Variants in TAFA2 observed in about 807,000 individuals in gnomAD.
TAFA2 encodes the protein TAFA chemokine like family member 2.
TAFA2 carries 7 observed loss-of-function variants against 18.8 expected under a neutral mutation model. That is an observed-to-expected ratio of 0.37 (90% confidence interval 0.21 to 0.70). The LOEUF (loss-of-function observed/expected upper bound fraction) is 0.70, where lower values mean the gene tolerates loss of function less well. TAFA2 is among the 30% of genes least tolerant of loss of function. The pLI is 0.53. For synonymous variants in TAFA2, 60 were observed against 54.2 expected (o/e 1.11, Z -0.47); for missense variants, 122 against 158.1 (o/e 0.77, Z 1.23).
At chr12:61,862,690 T>A (rs571863063) in intron 2 of TAFA2, among the ~76,000 whole-genome samples, 1 of 152,332 alleles carries the variant, frequency 6.6e-6, no homozygotes, top group South Asian at 2.1e-4. Context: ...TCCTTGCTAT[T>A]TCTAATTCTC....
intron 4 of TAFA2, among the ~76,000 whole-genome samples, chr12:61,745,375 T>C (rs563947665): frequency 1.3e-5 from 2 of 152,160 alleles, no homozygotes; most frequent in East Asian, 1.9e-4. Flanking sequence ...GCCACAAGCA[T>C]CATTTCTACC....
chr12:62,179,158 T>A (rs2062535158), intron 1 of TAFA2, among the ~76,000 whole-genome samples: 1 of 152,224 alleles, frequency 6.6e-6, no homozygotes, highest in South Asian at 2.1e-4. Context: ...AGAAAAATTA[T>A]TTAGAATTTT....
At chr12:61,880,764 C>T in intron 1 of TAFA2, 1 of 370,118 alleles carries the variant, frequency 2.7e-6, no homozygotes, top group Non-Finnish European at 5.3e-6. Flanking sequence ...TGACGTCCTG[C>T]CTGAGTGAAC....
At chr12:62,112,247 A>C (rs1869766658) in intron 1 of TAFA2, among the ~76,000 whole-genome samples, 1 of 152,090 alleles carries the variant, frequency 6.6e-6, no homozygotes, top group African/African-American at 2.4e-5. Context: ...TTGCTTATGA[A>C]GCTTAGTTTG....
intron 2 of TAFA2, among the ~76,000 whole-genome samples, chr12:61,762,230 T>G (rs1869583401): frequency 6.6e-6 from 1 of 152,118 alleles, no homozygotes; most frequent in African/African-American, 2.4e-5. Flanking sequence ...GACCTTTCTA[T>G]GCCTTCCTGA....
intron 2 of TAFA2, among the ~76,000 whole-genome samples, chr12:61,865,856 GGAAGGGGCACTAAGGTGACCAACA>G (rs1296318448): frequency 1.3e-5 from 2 of 152,106 alleles, no homozygotes; most frequent in African/African-American, 2.4e-5. Flanking sequence ...TCATAAGCTG[GGAAGGGGCACTAAGGTGACCAACA>G]GAATAATGAG....
chr12:62,222,506 A>G (rs1037463050), intron 1 of TAFA2, among the ~76,000 whole-genome samples: 1 of 151,626 alleles, frequency 6.6e-6, no homozygotes, highest in Non-Finnish European at 1.5e-5. Flanking sequence ...ATTATTTATT[A>G]TTATTATTAT....
chr12:61,814,061 A>C (rs1353870192), intron 2 of TAFA2, among the ~76,000 whole-genome samples: 1 of 151,492 alleles, frequency 6.6e-6, no homozygotes, highest in Admixed American at 6.6e-5. Flanking sequence ...GTATGCAAAC[A>C]ATAAGCAGAA....
intron 2 of TAFA2, among the ~76,000 whole-genome samples, chr12:61,866,359 C>T (rs1274947238): frequency 7.9e-5 from 12 of 152,150 alleles, no homozygotes; most frequent in Admixed American, 7.9e-4. Context: ...ACATGTGTAA[C>T]TAATTTAAGT....
At chr12:61,826,533 T>C (rs1872542791) in intron 2 of TAFA2, among the ~76,000 whole-genome samples, 1 of 152,042 alleles carries the variant, frequency 6.6e-6, no homozygotes, top group Admixed American at 6.6e-5. Context: ...ATCTATGTCA[T>C]TCAAAAATAT....
intron 1 of TAFA2, among the ~76,000 whole-genome samples, chr12:61,907,389 C>A (rs1260862311): frequency 6.6e-6 from 1 of 152,212 alleles, no homozygotes; most frequent in Non-Finnish European, 1.5e-5. Context: ...GCCATTGCTT[C>A]AGAGGGTGCA....
chr12:62,154,647 G>A (rs2062355683), intron 1 of TAFA2, among the ~76,000 whole-genome samples: 1 of 150,538 alleles, frequency 6.6e-6, no homozygotes. Context: ...AATGCACTAA[G>A]TGTTATACCA....
chr12:62,087,138 G>A (rs1053288317), intron 1 of TAFA2, among the ~76,000 whole-genome samples: 1 of 152,094 alleles, frequency 6.6e-6, no homozygotes, highest in African/African-American at 2.4e-5. Flanking sequence ...GGAGCTGGGT[G>A]AAAGAGAGGA....
chr12:61,949,462 A>G (rs1878390836), intron 1 of TAFA2, among the ~76,000 whole-genome samples: 1 of 152,068 alleles, frequency 6.6e-6, no homozygotes, highest in Non-Finnish European at 1.5e-5. Context: ...TATTATAATG[A>G]CCAGTAGATA....
intron 4 of TAFA2, among the ~76,000 whole-genome samples, chr12:61,741,475 T>G (rs1868445927): frequency 6.6e-6 from 1 of 152,130 alleles, no homozygotes; most frequent in African/African-American, 2.4e-5. Flanking sequence ...AGTTCAATCT[T>G]GACATCATGG....
At chr12:62,254,574 G>C (rs911420114) in intron 1 of TAFA2, among the ~76,000 whole-genome samples, 1 of 152,034 alleles carries the variant, frequency 6.6e-6, no homozygotes, top group African/African-American at 2.4e-5. Flanking sequence ...AATAATTCTT[G>C]AACTGACATA....
chr12:61,992,283 A>G (rs1003002453), intron 1 of TAFA2, among the ~76,000 whole-genome samples: 3 of 152,102 alleles, frequency 2.0e-5, no homozygotes, highest in Non-Finnish European at 4.4e-5. Flanking sequence ...TACTACCACC[A>G]TATCCCTAAT....
intron 4 of TAFA2, among the ~76,000 whole-genome samples, chr12:61,722,984 C>A (rs1565750240): frequency 6.6e-6 from 1 of 152,062 alleles, no homozygotes; most frequent in Non-Finnish European, 1.5e-5. Flanking sequence ...CCCCAAACAC[C>A]CAGATTCATC....
intron 1 of TAFA2, among the ~76,000 whole-genome samples, chr12:62,170,207 G>A (rs908114031): frequency 6.6e-6 from 1 of 152,150 alleles, no homozygotes; most frequent in African/African-American, 2.4e-5. Flanking sequence ...TCTTTGAAAT[G>A]TGGAACAAAG....
Sources: allele counts gnomAD v4.1 joint callset (sites outside exome capture counted in the v4.1 genomes callset), GRCh38; gene constraint gnomAD v4.1.1; transcripts MANE v1.5; gene names NCBI Gene and HGNC (gene_info 2026-07-23, HGNC 2026-07-21).